The following TSHZ3 variants were observed in gnomAD, a reference collection of about 807,000 sequenced individuals.
The protein encoded by TSHZ3 is teashirt homolog 3.
TSHZ3 carries 10 observed loss-of-function variants against 64.5 expected under a neutral mutation model. The ratio of observed to expected loss-of-function variants is 0.16; its 90% CI spans 0.10 to 0.26. TSHZ3 has a LOEUF of 0.26. TSHZ3 is among the 10% of genes least tolerant of loss of function. The pLI is 1.00. For synonymous variants in TSHZ3, 608 were observed against 593.1 expected, an observed-to-expected ratio of 1.03 and a Z score of -0.36; for missense variants, 1,242 against 1,421.7, an observed-to-expected ratio of 0.87 and a Z score of 2.03.
At chr19:31,327,604 C>A (rs1235155912) in intron 1 of TSHZ3, among the ~76,000 whole-genome samples, 1 of 152,112 alleles carries the variant, frequency 6.6e-6, no homozygotes, top group Non-Finnish European at 1.5e-5. Flanking sequence ...CACATATGTA[C>A]CATACATATA....
intron 1 of TSHZ3, among the ~76,000 whole-genome samples, chr19:31,301,048 T>C (rs958822286): frequency 4.6e-5 from 7 of 152,136 alleles, no homozygotes; most frequent in Admixed American, 2.6e-4. Context: ...AAATCCTTAA[T>C]GCTATATCAG....
At chr19:31,300,234 C>T (rs530267735) in intron 1 of TSHZ3, among the ~76,000 whole-genome samples, 30 of 152,284 alleles carry the variant, frequency 2.0e-4, no homozygotes, top group African/African-American at 6.5e-4. Flanking sequence ...TACTCTAACC[C>T]TTGTCACTGG....
chr19:31,215,648 G>A (rs538378012), intron 4 of TSHZ3, among the ~76,000 whole-genome samples: 144 of 152,284 alleles, frequency 9.5e-4, no homozygotes, highest in Non-Finnish European at 1.6e-3. Context: ...TGAGGCTGGC[G>A]GATCACGAGG....
chr19:31,203,014 T>C (rs1975109828), intron 5 of TSHZ3, among the ~76,000 whole-genome samples: 1 of 150,988 alleles, frequency 6.6e-6, no homozygotes, highest in Non-Finnish European at 1.5e-5. Flanking sequence ...AGCCTAACAA[T>C]CACAAAATTT....
intron 4 of TSHZ3, among the ~76,000 whole-genome samples, chr19:31,221,482 C>T (rs1975394282): frequency 6.6e-6 from 1 of 152,214 alleles, no homozygotes; most frequent in Non-Finnish European, 1.5e-5. Flanking sequence ...CACTCCCGGC[C>T]TCAGCCATGT....
chr19:31,284,622 G>C (rs186734108), intron 1 of TSHZ3, among the ~76,000 whole-genome samples: 1 of 152,192 alleles, frequency 6.6e-6, no homozygotes, highest in East Asian at 1.9e-4. Flanking sequence ...GGCAGGTGCA[G>C]TGAAGTGGAG....
At chr19:31,178,385 A>G (rs1274893032) in intron 5 of TSHZ3, among the ~76,000 whole-genome samples, 1 of 152,188 alleles carries the variant, frequency 6.6e-6, no homozygotes, top group African/African-American at 2.4e-5. Context: ...TCCATGTTAA[A>G]TGTTGGCATA....
intron 1 of TSHZ3, among the ~76,000 whole-genome samples, chr19:31,300,807 A>AC (rs1372150903): frequency 6.6e-6 from 1 of 152,046 alleles, no homozygotes; most frequent in East Asian, 1.9e-4. Flanking sequence ...TCCTCCATCC[A>AC]CCCAGAACCA....
In TSHZ3 at chr19:31,263,397, C is replaced by A. The variant is rs535761399; in HGVS notation, n.64-20522G>T. Among the ~76,000 whole-genome samples, 146 of 152,256 alleles carry A rather than the reference C, an allele frequency of 9.6e-4. No homozygotes were observed. In the Middle Eastern group the frequency reaches 0.02, roughly 21 times the overall value. ...AGCTGCATGGAGATGTGACAGCAGCCCCTCTCCTCTTGGCATTCATAACCT... is the reference window on the plus strand; with the variant it reads ...AGCTGCATGGAGATGTGACAGCAGCACCTCTCCTCTTGGCATTCATAACCT... On this transcript the variant is annotated intron_variant and non_coding_transcript_variant, in intron 1 of 6. Transcript: ENST00000651361.
chr19:31,205,526 G>A (rs745555143), intron 4 of TSHZ3, among the ~76,000 whole-genome samples: 2 of 152,208 alleles, frequency 1.3e-5, no homozygotes, highest in Non-Finnish European at 2.9e-5. Context: ...TTTTCACCAA[G>A]AGTGTGACCT....
At chr19:31,165,768 T>G (rs1974442395) in intron 5 of TSHZ3, among the ~76,000 whole-genome samples, 1 of 152,158 alleles carries the variant, frequency 6.6e-6, no homozygotes, top group Non-Finnish European at 1.5e-5. Context: ...CCCGTGTAAA[T>G]TTAAAGTGAC....
At chr19:31,202,664 G>A (rs1344549089) in intron 5 of TSHZ3, among the ~76,000 whole-genome samples, 1 of 152,116 alleles carries the variant, frequency 6.6e-6, no homozygotes, top group African/African-American at 2.4e-5. Flanking sequence ...AATTTTCCAA[G>A]GGTAAACTCT....
At chr19:31,239,301 A>T (rs1975660296) in intron 3 of TSHZ3, among the ~76,000 whole-genome samples, 1 of 152,072 alleles carries the variant, frequency 6.6e-6, no homozygotes, top group Non-Finnish European at 1.5e-5. Context: ...ATTATGAGTA[A>T]TTTAAATAAA....
At position 31,183,178 on chromosome 19, in the gene TSHZ3, TTCTCTCTCTCTCTCTCTCTC is replaced by T. The variant is rs750398873; in HGVS notation, n.809+21758_809+21777del. 7.7e-5 allele frequency among the ~76,000 whole-genome samples: 9 copies of T among 116,540 alleles called. No individual in the cohort carries two copies. The South Asian group carries it at 1.2e-3, about 16-fold the overall frequency. The allele number at this position is 116,540 out of a possible 152,430, so 76.5% of individuals were successfully genotyped here. Reference sequence around the variant, plus strand: ...AATCATGTGAGCCAATTCTATGAGATTCTCTCTCTCTCTCTCTCTCTCTCTCTCTCTCTCTCTCTCTCTCT... The same window carrying T: ...AATCATGTGAGCCAATTCTATGAGATTCTCTCTCTCTCTCTCTCTCTCTCT... On this transcript the variant is annotated intron_variant and non_coding_transcript_variant, in intron 5 of 6. Coordinates refer to the TSHZ3 transcript ENST00000651361.
rs796286718 is a variant in TSHZ3, at chr19:31,213,074, G to T, written n.687-7996C>A. On this transcript the variant is annotated intron_variant and non_coding_transcript_variant, in intron 4 of 6. Transcript: ENST00000651361. ...AAACTATGGAGACAGTAAAAAGATT[G>T]ACTGGGTGCGGTGGCTCAAGACTAT... Among the ~76,000 whole-genome samples, 7 of 152,142 alleles carry T rather than the reference G, an allele frequency of 4.6e-5. 1 individual carries two copies. Among genetic ancestry groups the T allele is most frequent in the African/African-American group, 1.7e-4 (7 of 41,522 alleles).
chr19:31,182,370 T>A lies in TSHZ3; in HGVS notation n.809+22586A>T, dbSNP rs141857701. On this transcript the variant is annotated intron_variant and non_coding_transcript_variant, in intron 5 of 6. Transcript: ENST00000651361. ...AATCCCTCAGACAATAATCCTCAGC[T>A]CCTCCTAGCTGCGCCCAGCTGAAGT... is the stretch of plus-strand genomic sequence containing the variant. Among the ~76,000 whole-genome samples, 496 of 152,236 alleles carry A rather than the reference T, an allele frequency of 3.3e-3. 3 individuals carry two copies. Among genetic ancestry groups the A allele is most frequent in the African/African-American group, 0.011 (473 of 41,538 alleles).
chr19:31,231,726 A>G (rs1975542684), intron 3 of TSHZ3, among the ~76,000 whole-genome samples: 1 of 152,178 alleles, frequency 6.6e-6, no homozygotes, highest in Non-Finnish European at 1.5e-5. Flanking sequence ...TTTATAGGGG[A>G]GGAAATGGAT....
chr19:31,292,491 TG>T (rs1976583006), intron 1 of TSHZ3, among the ~76,000 whole-genome samples: 1 of 152,156 alleles, frequency 6.6e-6, no homozygotes. Flanking sequence ...AAACTGTCAC[TG>T]GGACTTGCTG....
chr19:31,303,775 C>A (rs1454048455), intron 1 of TSHZ3, among the ~76,000 whole-genome samples: 1 of 152,204 alleles, frequency 6.6e-6, no homozygotes, highest in African/African-American at 2.4e-5. Context: ...TGGGATGAGC[C>A]ATCGGCTGGT....
Sources: gnomAD v4.1 joint callset for allele counts (sites outside exome capture counted in the v4.1 genomes callset) on GRCh38, gnomAD v4.1.1 for gene constraint, MANE v1.5 for transcripts, NCBI Gene and HGNC (gene_info 2026-07-23, HGNC 2026-07-21) for gene names.